Variants in PSD3 observed in about 807,000 individuals in gnomAD.
PSD3 encodes pleckstrin and Sec7 domain containing 3.
A neutral mutation model predicts 105.5 loss-of-function variants in PSD3; 49 were observed. The observed-to-expected ratio is 0.46, with a 90% CI of 0.37 to 0.59. The LOEUF (loss-of-function observed/expected upper bound fraction) is 0.59. Ranked by LOEUF, PSD3 falls within the 20% of genes least tolerant of loss-of-function variation. The pLI, the probability that PSD3 is intolerant of heterozygous loss-of-function variation, is 0.00. For synonymous variants in PSD3, 557 were observed against 457.8 expected (o/e 1.22, Z -2.77); for missense variants, 1,561 against 1,263.8 (o/e 1.24, Z -3.57).
intron 14 of PSD3, among the ~76,000 whole-genome samples, chr8:18,558,326 G>C (rs1801199937): frequency 6.6e-6 from 1 of 152,036 alleles, no homozygotes; most frequent in South Asian, 2.1e-4. Context: ...AAAAATAAAA[G>C]CATGATGTAT....
At chr8:18,808,743 A>T in intron 4 of PSD3, 1 of 1,614,070 alleles carries the variant, frequency 6.2e-7, no homozygotes, top group African/African-American at 1.3e-5. Flanking sequence ...TATGATGGCA[A>T]TATAAACTTA....
chr8:18,939,199 T>C lies in PSD3; in HGVS notation c.22-3057A>G, dbSNP rs73202170. On this transcript the variant is annotated intron_variant, in intron 1 of 15. Transcript: ENST00000327040. ...CAAGGTTCCCCTTGAGCAAGGATTC[T>C]TAACCTCAGGTCCGTGGGGAAGCAA... is the stretch of plus-strand genomic sequence containing the variant. Among the ~76,000 whole-genome samples, 1,272 of 152,316 alleles carry C rather than the reference T, an allele frequency of 8.4e-3. 8 individuals are homozygous for C. The highest frequency in any genetic ancestry group is 0.014 in the Middle Eastern group (4 of 294).
intron 1 of PSD3, among the ~76,000 whole-genome samples, chr8:19,071,215 A>G (rs1183474855): frequency 1.3e-5 from 2 of 152,070 alleles, no homozygotes; most frequent in Admixed American, 1.3e-4. Context: ...GTGCACCACC[A>G]TGCCCGGTTA....
intron 1 of PSD3, among the ~76,000 whole-genome samples, chr8:18,949,911 A>G (rs1177970978): frequency 6.6e-6 from 1 of 152,218 alleles, no homozygotes; most frequent in East Asian, 1.9e-4. Flanking sequence ...GATATAGAAA[A>G]GTAAAATACA....
At chr8:18,971,874 G>A (rs938840354) in intron 1 of PSD3, among the ~76,000 whole-genome samples, 1 of 152,024 alleles carries the variant, frequency 6.6e-6, no homozygotes, top group East Asian at 1.9e-4. Flanking sequence ...GCATGGTGGC[G>A]GGTGCCTATA....
intron 1 of PSD3, among the ~76,000 whole-genome samples, chr8:18,966,116 G>C (rs895619887): frequency 4.6e-5 from 7 of 152,218 alleles, no homozygotes; most frequent in South Asian, 2.1e-4. Context: ...CAGTCGACTT[G>C]AATCTCAGTA....
At chr8:18,721,826 T>C (rs1802994224) in intron 9 of PSD3, among the ~76,000 whole-genome samples, 1 of 152,314 alleles carries the variant, frequency 6.6e-6, no homozygotes, top group African/African-American at 2.4e-5. Context: ...ATTTATTTAA[T>C]GTGTTGATGT....
intron 9 of PSD3, among the ~76,000 whole-genome samples, chr8:18,746,653 G>A (rs1313719998): frequency 6.6e-6 from 1 of 152,206 alleles, no homozygotes; most frequent in Non-Finnish European, 1.5e-5. Flanking sequence ...TTTGTGTACT[G>A]TTCTTTTTGT....
In PSD3 at chr8:18,530,099, G is replaced by A. The variant is rs1403518076; in HGVS notation, c.*5644C>T. 1 of 152,572 alleles carries A rather than the reference G, an allele frequency of 6.6e-6. No individual in the cohort carries two copies. Among genetic ancestry groups the A allele is most frequent in the Non-Finnish European group, 1.5e-5 (1 of 68,046 alleles). The allele number at this position is 152,572 out of a possible 1,614,324, so 9.5% of individuals were successfully genotyped here. On this transcript the variant is annotated 3_prime_UTR_variant, in exon 16 of 16. Coordinates refer to ENST00000327040, the MANE Select transcript of PSD3 (RefSeq NM_015310.4). ...GAATCAGCTACAAAGACACGAGGCAGTGTGTTTAAACAAAAGACACTGCAC... is the reference window on the plus strand; with the variant it reads ...GAATCAGCTACAAAGACACGAGGCAATGTGTTTAAACAAAAGACACTGCAC...
chr8:18,867,698 G>A lies in PSD3; in HGVS notation c.1610C>T (p.Thr537Ile). ...CCTTCCCCAGAAAGCAATCTCCGGG[G>A]TGCCTTTCGTGTAGATGGAGTCGCT... ...DASDSIYTKG[T>I]PEIAFWGSNA... is the part of the protein sequence containing the mutation. The change falls in exon 4 of 16, where the codon ACC (threonine) becomes ATC (isoleucine). Residue 537 changes from threonine (T) to isoleucine (I), a missense_variant. Physicochemically the swap from Thr to Ile is moderately conservative, Grantham distance 89 (BLOSUM62 -1). Transcript: ENST00000327040. 6.2e-7 allele frequency: 1 copy of A among 1,612,788 alleles called. No individual in the cohort carries two copies. Among genetic ancestry groups the A allele is most frequent in the Non-Finnish European group, 8.5e-7 (1 of 1,179,018 alleles).
chr8:18,569,248 T>C, intron 14 of PSD3, among the ~76,000 whole-genome samples: 1 of 126,944 alleles, frequency 7.9e-6, no homozygotes, highest in Admixed American at 8.6e-5. Context: ...GGTCAAATGG[T>C]ATTTCTAGTT....
intron 1 of PSD3, among the ~76,000 whole-genome samples, chr8:19,009,773 C>A (rs1826869254): frequency 6.6e-6 from 1 of 151,926 alleles, no homozygotes; most frequent in East Asian, 1.9e-4. Context: ...TACCTGTGGT[C>A]CCAGCCACTC....
intron 12 of PSD3, among the ~76,000 whole-genome samples, chr8:18,579,901 T>C (rs1300426763): frequency 6.6e-6 from 1 of 152,188 alleles, no homozygotes; most frequent in Non-Finnish European, 1.5e-5. Flanking sequence ...ACAGTTGAAA[T>C]GGTCTTGATT....
At chr8:18,944,464 G>C (rs1025596570) in intron 1 of PSD3, among the ~76,000 whole-genome samples, 1 of 152,054 alleles carries the variant, frequency 6.6e-6, no homozygotes, top group Non-Finnish European at 1.5e-5. Flanking sequence ...CCAGCTACTT[G>C]GGAGGCTGAG....
At chr8:18,757,191 G>T (rs529196001) in intron 9 of PSD3, among the ~76,000 whole-genome samples, 5 of 150,586 alleles carry the variant, frequency 3.3e-5, no homozygotes, top group African/African-American at 1.2e-4. Context: ...GGTGGCTCAC[G>T]CCTGGAATCC....
intron 9 of PSD3, among the ~76,000 whole-genome samples, chr8:18,752,519 AAT>A (rs554742638): frequency 1.3e-4 from 9 of 67,882 alleles, no homozygotes; most frequent in East Asian, 7.3e-4. Flanking sequence ...TAATATATGT[AAT>A]ATATATAATT....
intron 15 of PSD3, among the ~76,000 whole-genome samples, chr8:18,551,716 T>G (rs2130092266): frequency 6.6e-6 from 1 of 152,344 alleles, no homozygotes; most frequent in Non-Finnish European, 1.5e-5. Flanking sequence ...TCAAGTGACC[T>G]TTATTCTAAG....
intron 4 of PSD3, among the ~76,000 whole-genome samples, chr8:18,856,313 C>G (rs1360308496): frequency 1.3e-5 from 2 of 152,158 alleles, no homozygotes; most frequent in Non-Finnish European, 2.9e-5. Flanking sequence ...TGGGAGACAC[C>G]TTAGTATCTA....
intron 4 of PSD3, among the ~76,000 whole-genome samples, chr8:18,809,668 T>C (rs564785663): frequency 1.4e-4 from 21 of 152,354 alleles, no homozygotes; most frequent in African/African-American, 4.6e-4. Context: ...TGTTTTTTTC[T>C]AAACTTTATT....
Sources: gnomAD v4.1 joint callset for allele counts (sites outside exome capture counted in the v4.1 genomes callset) on GRCh38, gnomAD v4.1.1 for gene constraint, MANE v1.5 for transcripts, NCBI Gene and HGNC (gene_info 2026-07-23, HGNC 2026-07-21) for gene names.